Variants in CPNE5 observed in about 807,000 individuals in gnomAD.
The protein encoded by CPNE5 is copine 5.
CPNE5 carries 42 observed loss-of-function variants against 81.1 expected under a neutral mutation model. The ratio of observed to expected loss-of-function variants is 0.52; its 90% CI spans 0.40 to 0.67. The LOEUF is 0.67. Among genes scored for constraint, CPNE5 ranks in the 30% least tolerant of loss-of-function variants. The pLI, the probability that CPNE5 is intolerant of heterozygous loss-of-function variation, is 0.00. For missense variants in CPNE5, 612 were observed against 815.5 expected (o/e 0.75, Z 3.04); for synonymous variants, 313 against 321.5 (o/e 0.97, Z 0.28).
In CPNE5 at chr6:36,742,285, G is replaced by T; in HGVS notation, c.1765C>A (p.Leu589Met). 1 of 1,593,328 alleles carries T rather than the reference G, an allele frequency of 6.3e-7. No homozygotes were observed. The highest frequency in any genetic ancestry group is 8.5e-7 in the Non-Finnish European group (1 of 1,171,702). The change falls in exon 21 of 21, where the codon CTG (leucine) becomes ATG (methionine). Residue 589 changes from leucine (L) to methionine (M), a missense_variant. Coordinates refer to ENST00000244751, the MANE Select transcript of CPNE5 (RefSeq NM_020939.2). ...SPARTPPASPLHTHI is the reference protein window; with the variant it reads ...SPARTPPASPMHTHI ...GACCAGGTTCAGATGTGCGTGTGCA[G>T]GGGGGACGCAGGGGGCGTGCGGGCT...
At chr6:36,802,865 C>T (rs1163039328) in intron 3 of CPNE5, among the ~76,000 whole-genome samples, 3 of 152,082 alleles carry the variant, frequency 2.0e-5, no homozygotes, top group African/African-American at 7.2e-5. Context: ...CCCTGGCCAA[C>T]ATGGTGAAAC....
chr6:36,811,202 G>A (rs894505171), intron 3 of CPNE5, among the ~76,000 whole-genome samples: 3 of 152,104 alleles, frequency 2.0e-5, no homozygotes, highest in African/African-American at 4.8e-5. Context: ...AGGGTGGGGG[G>A]CCTGAGCAGT....
intron 16 of CPNE5, 141 bp from the exon 17 acceptor site, chr6:36,745,656 A>T (rs1764076919): frequency 7.9e-6 from 7 of 882,384 alleles, no homozygotes; most frequent in Admixed American, 5.7e-5. Flanking sequence ...GGGGCAGGGG[A>T]GGGAGCTCCC....
At position 36,794,595 on chromosome 6, in the gene CPNE5, G is replaced by A; in HGVS notation, c.459C>T (p.Ser153=). ...SRTGKPMPAV[S]NGGVPGKKCG... ...AGAGATGTCTGGCAACGTACCCGTT[G>A]GACACAGCTGGCATGGGTTTGCCCG... The change falls in exon 7 of 21, where the codon TCC becomes TCT. Residue 153 remains serine (S), a synonymous_variant. Coordinates refer to ENST00000244751, the MANE Select transcript of CPNE5 (RefSeq NM_020939.2). The A allele has an allele frequency of 6.2e-7, 1 of 1,614,044 alleles. No individual in the cohort carries two copies. The highest frequency in any genetic ancestry group is 2.2e-5 in the East Asian group (1 of 44,870).
intron 8 of CPNE5, among the ~76,000 whole-genome samples, chr6:36,788,598 G>T (rs1032184423): frequency 8.0e-6 from 1 of 124,644 alleles, no homozygotes; most frequent in African/African-American, 3.3e-5. Flanking sequence ...CTAAATAAGA[G>T]GGTCTCGGTA....
intron 7 of CPNE5, among the ~76,000 whole-genome samples, chr6:36,793,148 G>A (rs1313013786): frequency 6.6e-6 from 1 of 152,142 alleles, no homozygotes; most frequent in Non-Finnish European, 1.5e-5. Context: ...CCAGCATGCT[G>A]TCTGTGGAAC....
upstream of CPNE5, chr6:36,839,902 G>C (rs1266440750): frequency 6.6e-6 from 1 of 151,412 alleles, no homozygotes; most frequent in Admixed American, 6.6e-5. The surrounding 1 kb of genome is among the most constrained non-coding windows in gnomAD (Gnocchi z 7.3). Context: ...CTGGGTCTTG[G>C]CGCCGGCGGC....
chr6:36,796,034 C>T (rs562204910), intron 6 of CPNE5, among the ~76,000 whole-genome samples: 18 of 152,248 alleles, frequency 1.2e-4, no homozygotes, highest in African/African-American at 3.9e-4. Flanking sequence ...CTGCAACCTC[C>T]GCCTCCTGGG....
At chr6:36,807,643 GGGTTTTC>G (rs886999330) in intron 3 of CPNE5, among the ~76,000 whole-genome samples, 11 of 151,924 alleles carry the variant, frequency 7.2e-5, no homozygotes, top group Non-Finnish European at 1.6e-4. Context: ...ACACCTGAGA[GGGTTTTC>G]GTCCTCCATC....
intron 3 of CPNE5, among the ~76,000 whole-genome samples, chr6:36,801,861 T>C (rs1035767009): frequency 4.6e-5 from 7 of 152,202 alleles, no homozygotes; most frequent in African/African-American, 1.7e-4. Context: ...AGATGAAATG[T>C]TCTAGAGACC....
intron 18 of CPNE5, among the ~76,000 whole-genome samples, chr6:36,744,755 T>C (rs1198945944): frequency 6.6e-6 from 1 of 151,320 alleles, no homozygotes; most frequent in Non-Finnish European, 1.5e-5. Flanking sequence ...CTGGAGGGAG[T>C]AGACCAGAGC....
At chr6:36,743,557 TG>T in intron 20 of CPNE5, 131 bp downstream of exon 20, 1 of 859,052 alleles carries the variant, frequency 1.2e-6, no homozygotes, top group Non-Finnish European at 1.9e-6. Flanking sequence ...CGGTGGTGGC[TG>T]GGCCACTTTG....
chr6:36,781,868 C>T (rs1303354944), intron 8 of CPNE5, among the ~76,000 whole-genome samples: 3 of 152,184 alleles, frequency 2.0e-5, no homozygotes, highest in Non-Finnish European at 2.9e-5. Flanking sequence ...AGGTGACCCG[C>T]AGTGGCATCA....
Position 36,754,846 on chromosome 6 carries a change from T to C in CPNE5, c.909+1399A>G, listed in dbSNP as rs940522590. On this transcript the variant is annotated intron_variant, in intron 13 of 20. Transcript: ENST00000244751. ...GGAAGGCGTGGGAGAATTTTGGGGGTTCTCATAATGACTGGGGCTCTACTG... is the reference window on the plus strand; with the variant it reads ...GGAAGGCGTGGGAGAATTTTGGGGGCTCTCATAATGACTGGGGCTCTACTG... The C allele has an allele frequency of 4.6e-5, 7 of 152,102 alleles. No individual in the cohort carries two copies. In the South Asian group the frequency reaches 6.2e-4, roughly 13 times the overall value. The allele number at this position is 152,102 out of a possible 1,614,324, so 9.4% of individuals were successfully genotyped here.
chr6:36,810,507 T>C (rs1403319929), intron 3 of CPNE5, among the ~76,000 whole-genome samples: 4 of 152,196 alleles, frequency 2.6e-5, no homozygotes, highest in Non-Finnish European at 2.9e-5. Flanking sequence ...GGAATGTGCT[T>C]TCCAAGGCTG....
chr6:36,793,269 G>A (rs1769260028), intron 7 of CPNE5, among the ~76,000 whole-genome samples: 1 of 152,156 alleles, frequency 6.6e-6, no homozygotes, highest in African/African-American at 2.4e-5. Flanking sequence ...AGGGCTGGCA[G>A]GACAGCCCAG....
chr6:36,813,450 G>A (rs1771278636), intron 3 of CPNE5, among the ~76,000 whole-genome samples: 1 of 152,170 alleles, frequency 6.6e-6, no homozygotes, highest in Non-Finnish European at 1.5e-5. Context: ...AGAATCACTT[G>A]AACCCGGGAG....
chr6:36,834,705 TATG>T (rs1773315380), intron 1 of CPNE5, among the ~76,000 whole-genome samples: 1 of 151,476 alleles, frequency 6.6e-6, no homozygotes, highest in African/African-American at 2.4e-5. Context: ...TTCAGCCTAA[TATG>T]ATGTAAAGTG....
intron 1 of CPNE5, among the ~76,000 whole-genome samples, chr6:36,836,507 G>A (rs1161196938): frequency 6.6e-6 from 1 of 152,102 alleles, no homozygotes; most frequent in Non-Finnish European, 1.5e-5. Context: ...TGCCCATCCT[G>A]AAACCCCCTG....
Sources: gnomAD v4.1 joint callset for allele counts (sites outside exome capture counted in the v4.1 genomes callset) on GRCh38, gnomAD v4.1.1 for gene constraint, Gnocchi (gnomAD v3.1) non-coding constraint, MANE v1.5 for transcripts, NCBI Gene and HGNC (gene_info 2026-07-23, HGNC 2026-07-21) for gene names.